The following DOK6 variants were observed in gnomAD, a reference collection of about 807,000 sequenced individuals.
The protein encoded by DOK6 is downstream of tyrosine kinase 6.
Under a neutral mutation model 44.0 loss-of-function variants are expected in DOK6, and 22 were observed. That is an observed-to-expected ratio of 0.50 (90% CI 0.36 to 0.71). The LOEUF (loss-of-function observed/expected upper bound fraction) is 0.71. Ranked by LOEUF, DOK6 falls within the 30% of genes least tolerant of loss-of-function variation. DOK6 has a pLI of 0.00. For missense variants in DOK6, 340 were observed against 416.4 expected, an observed-to-expected ratio of 0.82 and a Z score of 1.60; for synonymous variants, 166 against 145.5, an observed-to-expected ratio of 1.14 and a Z score of -1.01.
intron 1 of DOK6, among the ~76,000 whole-genome samples, chr18:69,439,976 T>C (rs931998062): frequency 6.6e-6 from 1 of 152,230 alleles, no homozygotes; most frequent in Non-Finnish European, 1.5e-5. Context: ...TATTTTTAGC[T>C]TAATGATTTA....
intron 1 of DOK6, among the ~76,000 whole-genome samples, chr18:69,415,854 A>T (rs1978330126): frequency 6.6e-6 from 1 of 152,108 alleles, no homozygotes; most frequent in Non-Finnish European, 1.5e-5. Flanking sequence ...TAAACATGTA[A>T]AAGATTAATT....
chr18:69,590,196 T>A (rs184053411), intron 2 of DOK6, among the ~76,000 whole-genome samples: 5 of 152,276 alleles, frequency 3.3e-5, no homozygotes, highest in Admixed American at 2.0e-4. Context: ...TGCAAAGAAC[T>A]AAGTAAATGA....
intron 3 of DOK6, among the ~76,000 whole-genome samples, chr18:69,648,952 T>A (rs1985151797): frequency 6.6e-6 from 1 of 152,316 alleles, no homozygotes; most frequent in South Asian, 2.1e-4. Context: ...AAGAGAGACA[T>A]GTTTTCTACT....
At chr18:69,580,569 T>G (rs1351121664) in intron 2 of DOK6, among the ~76,000 whole-genome samples, 4 of 152,236 alleles carry the variant, frequency 2.6e-5, no homozygotes, top group Non-Finnish European at 5.9e-5. Context: ...ATAATAATTG[T>G]ACATATTTAT....
chr18:69,776,351 T>C (rs1032257613), intron 7 of DOK6, among the ~76,000 whole-genome samples: 1 of 151,822 alleles, frequency 6.6e-6, no homozygotes, highest in Admixed American at 6.6e-5. Context: ...CATAATGCAA[T>C]ACAAATAAAA....
At chr18:69,748,324 G>A (rs1764845750) in intron 6 of DOK6, among the ~76,000 whole-genome samples, 3 of 151,724 alleles carry the variant, frequency 2.0e-5, no homozygotes, top group Admixed American at 6.6e-5. Context: ...GTCAATATTA[G>A]ACAGATCACC....
At chr18:69,584,600 G>T (rs535030180) in intron 2 of DOK6, among the ~76,000 whole-genome samples, 1 of 152,040 alleles carries the variant, frequency 6.6e-6, no homozygotes, top group African/African-American at 2.4e-5. Context: ...ACCATATCTG[G>T]TTTTTGCATC....
intron 3 of DOK6, chr18:69,661,452 T>A (rs1568325860): frequency 6.6e-6 from 1 of 152,180 alleles, no homozygotes; most frequent in Non-Finnish European, 1.5e-5. Context: ...AGCATATGCA[T>A]AAGCAACTAA....
At chr18:69,420,247 AT>A (rs1206587131) in intron 1 of DOK6, among the ~76,000 whole-genome samples, 2 of 151,856 alleles carry the variant, frequency 1.3e-5, no homozygotes, top group Admixed American at 6.6e-5. Context: ...TTATATTGTG[AT>A]TTTTTTCAGT....
intron 1 of DOK6, among the ~76,000 whole-genome samples, chr18:69,466,776 T>A (rs1026886419): frequency 6.9e-6 from 1 of 144,880 alleles, no homozygotes; most frequent in Admixed American, 7.0e-5. Context: ...GTAGGAAAAG[T>A]AAGAGGGAGG....
chr18:69,518,343 A>G (rs1244086145), intron 1 of DOK6, among the ~76,000 whole-genome samples: 1 of 150,744 alleles, frequency 6.6e-6, no homozygotes, highest in African/African-American at 2.4e-5. Flanking sequence ...TTCTTTTCAT[A>G]ATGTGGTGTG....
intron 7 of DOK6, among the ~76,000 whole-genome samples, chr18:69,766,650 A>G (rs1979725744): frequency 6.6e-6 from 1 of 152,176 alleles, no homozygotes; most frequent in Non-Finnish European, 1.5e-5. Flanking sequence ...GAGGTAGATC[A>G]TTAAATTGAG....
chr18:69,401,599 C>G (rs944212398), intron 1 of DOK6, among the ~76,000 whole-genome samples: 12 of 152,108 alleles, frequency 7.9e-5, no homozygotes, highest in African/African-American at 2.7e-4. Context: ...TCAGTTCCAA[C>G]GAGGAACGTG....
chr18:69,407,869 A>T (rs1978291539), intron 1 of DOK6, among the ~76,000 whole-genome samples: 1 of 152,310 alleles, frequency 6.6e-6, no homozygotes, highest in African/African-American at 2.4e-5. Context: ...AATTACTGGG[A>T]ACAAAGACAT....
intron 5 of DOK6, among the ~76,000 whole-genome samples, chr18:69,705,355 G>A (rs1332050114): frequency 6.6e-6 from 1 of 151,962 alleles, no homozygotes; most frequent in East Asian, 1.9e-4. Context: ...GTGTTTTCTT[G>A]GTTTGTTTTT....
intron 3 of DOK6, among the ~76,000 whole-genome samples, chr18:69,627,248 T>A (rs1984578005): frequency 1.3e-5 from 2 of 152,140 alleles, no homozygotes; most frequent in Non-Finnish European, 2.9e-5. Context: ...AGAAATGCCT[T>A]CTTCAGGTGC....
intron 3 of DOK6, among the ~76,000 whole-genome samples, chr18:69,640,362 A>C (rs1019496477): frequency 6.6e-6 from 1 of 152,122 alleles, no homozygotes; most frequent in African/African-American, 2.4e-5. Flanking sequence ...TTCTTATTTC[A>C]TGAGAGGTAC....
intron 3 of DOK6, among the ~76,000 whole-genome samples, chr18:69,658,884 A>T (rs1334192483): frequency 6.6e-6 from 1 of 152,230 alleles, no homozygotes; most frequent in Non-Finnish European, 1.5e-5. Flanking sequence ...GTAAGCCTGC[A>T]CATAATAATT....
intron 1 of DOK6, among the ~76,000 whole-genome samples, chr18:69,562,819 G>C (rs1412105208): frequency 6.6e-6 from 1 of 152,134 alleles, no homozygotes; most frequent in Non-Finnish European, 1.5e-5. Flanking sequence ...TTAAACTAAA[G>C]AGCTTCTGCA....
Sources: allele counts gnomAD v4.1 joint callset (sites outside exome capture counted in the v4.1 genomes callset), GRCh38; gene constraint gnomAD v4.1.1; transcripts MANE v1.5; gene names NCBI Gene and HGNC (gene_info 2026-07-23, HGNC 2026-07-21).